The following C12orf42 variants were observed in gnomAD, a reference collection of about 807,000 sequenced individuals.
The protein encoded by C12orf42 is chromosome 12 open reading frame 42.
C12orf42 carries 25 observed loss-of-function variants against 21.6 expected under a neutral mutation model. The observed-to-expected ratio is 1.16, with a 90% CI of 0.84 to 1.62. C12orf42 has a LOEUF of 1.62. Among genes scored for constraint, C12orf42 ranks in the 40% most tolerant of loss-of-function variants. C12orf42 has a pLI of 0.00. For missense variants in C12orf42, 483 were observed against 459.3 expected, an observed-to-expected ratio of 1.05 and a Z score of -0.47; for synonymous variants, 174 against 175.0, an observed-to-expected ratio of 0.99 and a Z score of 0.05.
At chr12:103,440,679 G>C (rs996989244) in intron 2 of C12orf42, among the ~76,000 whole-genome samples, 1 of 152,170 alleles carries the variant, frequency 6.6e-6, no homozygotes, top group African/African-American at 2.4e-5. Context: ...GATGTTATGT[G>C]ATTTGTCAAG....
the C12orf42 span, among the ~76,000 whole-genome samples, chr12:103,220,820 G>A: frequency 6.6e-6 from 1 of 152,216 alleles, no homozygotes; most frequent in Non-Finnish European, 1.5e-5. Context: ...AAGGGCAGGA[G>A]AGAGGGGAAG....
the C12orf42 span, among the ~76,000 whole-genome samples, chr12:103,114,039 C>T: frequency 3.9e-4 from 59 of 151,890 alleles, no homozygotes; most frequent in African/African-American, 1.0e-3. Flanking sequence ...TTCATGGGGG[C>T]GTTTTCTATT....
chr12:103,262,590 GC>G (rs2034951449), intron 10 of C12orf42: 1 of 151,846 alleles, frequency 6.6e-6, no homozygotes, highest in African/African-American at 2.4e-5. Context: ...AAACATATAT[GC>G]ATGTATAATA....
At chr12:103,060,880 AC>A in the C12orf42 span, among the ~76,000 whole-genome samples, 1 of 152,336 alleles carries the variant, frequency 6.6e-6, no homozygotes, top group South Asian at 2.1e-4. Flanking sequence ...CCAGAAAAAA[AC>A]CTATGCAATA....
chr12:103,110,674 C>T, the C12orf42 span, among the ~76,000 whole-genome samples: 1 of 152,130 alleles, frequency 6.6e-6, no homozygotes, highest in African/African-American at 2.4e-5. Context: ...CTGAATAAAG[C>T]TGCCCCAAAT....
intron 2 of C12orf42, among the ~76,000 whole-genome samples, chr12:103,437,432 C>T (rs1001262872): frequency 4.0e-5 from 6 of 151,302 alleles, no homozygotes; most frequent in African/African-American, 1.2e-4. Flanking sequence ...AATAGAGACA[C>T]AAAAAACCCT....
At position 103,323,526 on chromosome 12, in the gene C12orf42, T is replaced by A. The variant is rs117422369; in HGVS notation, c.260-17181A>T. ...CAACAGGAAAAATGAAATTAGCAGA[T>A]CAAGACTGTGCAGACAAAATAAAAT... On this transcript the variant is annotated intron_variant, in intron 4 of 5. Coordinates refer to ENST00000548883, the MANE Select transcript of C12orf42 (RefSeq NM_198521.5). Among the ~76,000 whole-genome samples the A allele has an allele frequency of 2.6e-5, 4 of 152,214 alleles. No individual in the cohort carries two copies. The East Asian group carries it at 7.7e-4, about 29-fold the overall frequency.
intron 2 of C12orf42, among the ~76,000 whole-genome samples, chr12:103,431,019 G>A (rs1164827758): frequency 1.3e-5 from 2 of 152,068 alleles, no homozygotes; most frequent in African/African-American, 2.4e-5. Context: ...TGTAGATGAC[G>A]AGTTGATGGG....
the C12orf42 span, chr12:103,504,587 T>C: frequency 6.6e-6 from 1 of 152,636 alleles, no homozygotes; most frequent in Non-Finnish European, 1.5e-5. Flanking sequence ...AGGATCCAGT[T>C]TGGCATCCTG....
intron 10 of C12orf42, among the ~76,000 whole-genome samples, chr12:103,240,409 C>T (rs1360307713): frequency 6.6e-6 from 1 of 152,180 alleles, no homozygotes; most frequent in Non-Finnish European, 1.5e-5. Flanking sequence ...ACAGGAGAGA[C>T]ACATGCTAGC....
rs533348645 is a variant in C12orf42 at position 103,412,190 on chromosome 12, A to G, written c.79-10515T>C. On this transcript the variant is annotated intron_variant, in intron 2 of 5. Transcript: ENST00000548883. ...TTAAATTTTTAACCTTGGAATCAGCACAAGTAAAATGTCATAGTTCAGAAC... is the reference window on the plus strand; with the variant it reads ...TTAAATTTTTAACCTTGGAATCAGCGCAAGTAAAATGTCATAGTTCAGAAC... Among the ~76,000 whole-genome samples, 4 of 152,360 alleles carry G rather than the reference A, an allele frequency of 2.6e-5. No individual in the cohort carries two copies. In the South Asian group the frequency reaches 8.3e-4, roughly 32 times the overall value.
At chr12:103,214,311 T>C in the C12orf42 span, among the ~76,000 whole-genome samples, 1 of 152,212 alleles carries the variant, frequency 6.6e-6, no homozygotes. Flanking sequence ...CTTTTTGTCC[T>C]GTAGGGATGA....
chr12:103,441,525 G>A (rs1371573395), intron 2 of C12orf42: 1 of 152,084 alleles, frequency 6.6e-6, no homozygotes, highest in Non-Finnish European at 1.5e-5. Flanking sequence ...ATATCTCTGT[G>A]GATCTGACAC....
At chr12:103,494,917 GATTT>G (rs1955419639) in intron 1 of C12orf42, among the ~76,000 whole-genome samples, 1 of 152,122 alleles carries the variant, frequency 6.6e-6, no homozygotes, top group Non-Finnish European at 1.5e-5. Context: ...GGAGAAGAGT[GATTT>G]ATTTTTGAAA....
the C12orf42 span, chr12:103,164,646 C>A: frequency 3.6e-5 from 16 of 439,480 alleles, no homozygotes; most frequent in Admixed American, 4.1e-4. Flanking sequence ...TTTAAGTTTG[C>A]ATTGTTGTCT....
intron 4 of C12orf42, among the ~76,000 whole-genome samples, chr12:103,330,694 C>T (rs2041170384): frequency 6.6e-6 from 1 of 152,182 alleles, no homozygotes; most frequent in East Asian, 1.9e-4. Context: ...TTCTAACTCC[C>T]CACAGAGCTT....
the C12orf42 span, among the ~76,000 whole-genome samples, chr12:103,547,464 A>G: frequency 6.6e-6 from 1 of 152,242 alleles, no homozygotes; most frequent in Non-Finnish European, 1.5e-5. Context: ...CTAAATTTAA[A>G]TGTCTTACAT....
At chr12:103,283,124 A>G (rs2036234513) in intron 4 of C12orf42, among the ~76,000 whole-genome samples, 1 of 152,166 alleles carries the variant, frequency 6.6e-6, no homozygotes, top group East Asian at 1.9e-4. Flanking sequence ...CTATTTTTTC[A>G]TATAAAACAA....
chr12:103,084,287 G>T, the C12orf42 span, among the ~76,000 whole-genome samples: 14 of 152,122 alleles, frequency 9.2e-5, no homozygotes, highest in Admixed American at 9.2e-4. Flanking sequence ...ATGACAAAAT[G>T]GTTTTCCCTC....
Sources: allele counts gnomAD v4.1 joint callset (sites outside exome capture counted in the v4.1 genomes callset), GRCh38; gene constraint gnomAD v4.1.1; transcripts MANE v1.5; gene names NCBI Gene and HGNC (gene_info 2026-07-23, HGNC 2026-07-21).